JAK2: variants seen among roughly 807,000 people sequenced by gnomAD.
JAK2 encodes the protein tyrosine-protein kinase JAK2.
Under a neutral mutation model 139.3 loss-of-function variants are expected in JAK2, and 86 were observed. The ratio of observed to expected loss-of-function variants is 0.62; its 90% CI spans 0.52 to 0.74. The LOEUF is 0.74. Ranked by LOEUF, JAK2 falls within the 30% of genes least tolerant of loss-of-function variation. The pLI is 0.00. For synonymous variants in JAK2, 490 were observed against 437.7 expected (o/e 1.12, Z -1.49); for missense variants, 1,421 against 1,360.3 (o/e 1.04, Z -0.70).
At chr9:5,104,293 C>A (rs543506085) in intron 22 of JAK2, among the ~76,000 whole-genome samples, 1 of 152,310 alleles carries the variant, frequency 6.6e-6, no homozygotes, top group South Asian at 2.1e-4. Flanking sequence ...CACCTCTACA[C>A]AAATAAACTA....
intron 22 of JAK2, among the ~76,000 whole-genome samples, chr9:5,103,585 C>G (rs1821704452): frequency 6.6e-6 from 1 of 152,180 alleles, no homozygotes; most frequent in African/African-American, 2.4e-5. Context: ...TAGACATCTA[C>G]AGAACCCTCC....
chr9:5,027,402 A>G (rs1056521430), intron 3 of JAK2, among the ~76,000 whole-genome samples: 6 of 152,236 alleles, frequency 3.9e-5, no homozygotes, highest in Admixed American at 3.3e-4. Flanking sequence ...TTTATTGTCA[A>G]AAAGCACTCA....
intron 9 of JAK2, among the ~76,000 whole-genome samples, chr9:5,066,147 T>G (rs1818553736): frequency 6.6e-6 from 1 of 152,168 alleles, no homozygotes; most frequent in South Asian, 2.1e-4. Flanking sequence ...GATTATATTT[T>G]GCTTTTCTTT....
Position 5,127,507 on chromosome 9 carries a change from G to GAT in JAK2, c.*720_*721dup. On this transcript the variant is annotated 3_prime_UTR_variant, in exon 25 of 25. Transcript: ENST00000381652. ...TTTTGAAATGAAACAAGCTTACAAA[G>GAT]ATATAATCTATTTTATTATGGTTTC... 4.3e-6 allele frequency: 1 copy of GAT among 231,092 alleles called. No individual in the cohort carries two copies. Among genetic ancestry groups the GAT allele is most frequent in the Non-Finnish European group, 8.6e-6 (1 of 116,362 alleles). The allele number at this position is 231,092 out of a possible 1,614,324, so 14.3% of individuals were successfully genotyped here.
intron 12 of JAK2, among the ~76,000 whole-genome samples, chr9:5,071,110 T>G (rs993540212): frequency 6.6e-6 from 1 of 152,184 alleles, no homozygotes; most frequent in Non-Finnish European, 1.5e-5. Flanking sequence ...TTGGGCTTCA[T>G]TATACTACCT....
chr9:5,085,721 T>C, intron 19 of JAK2: 1 of 752,264 alleles, frequency 1.3e-6, no homozygotes, highest in Non-Finnish European at 2.5e-6. Flanking sequence ...TGTGGATCAT[T>C]TCTGCAATTA....
intron 22 of JAK2, chr9:5,099,998 G>A (rs1370841285): frequency 6.6e-6 from 1 of 152,124 alleles, no homozygotes; most frequent in Non-Finnish European, 1.5e-5. Context: ...GAAACCATTA[G>A]CCTATTTATT....
At chr9:5,094,349 C>G (rs529668022) in intron 22 of JAK2, 1 of 152,364 alleles carries the variant, frequency 6.6e-6, no homozygotes, top group South Asian at 2.1e-4. Flanking sequence ...CTTCCTATAC[C>G]CCATCCCCTA....
intron 22 of JAK2, among the ~76,000 whole-genome samples, chr9:5,107,507 T>G (rs1460644603): frequency 6.6e-6 from 1 of 152,136 alleles, no homozygotes; most frequent in Non-Finnish European, 1.5e-5. Flanking sequence ...CTTATACTAG[T>G]TATCATTTTA....
intron 16 of JAK2, among the ~76,000 whole-genome samples, chr9:5,078,706 C>G (rs1170316776): frequency 6.6e-6 from 1 of 152,004 alleles, no homozygotes; most frequent in African/African-American, 2.4e-5. Flanking sequence ...AGGATTTTAT[C>G]CATTTTTAGT....
rs547052349 is a variant in JAK2 at position 5,085,937 on chromosome 9, G to C, written c.2572-3737G>C. 57 of 1,110,570 alleles carry C rather than the reference G, an allele frequency of 5.1e-5. No homozygotes were observed. The East Asian group carries it at 1.3e-3, about 25-fold the overall frequency. The allele number at this position is 1,110,570 out of a possible 1,614,324, so 68.8% of individuals were successfully genotyped here. A position where few individuals can be genotyped will look rare whatever the true frequency, so the allele number is the denominator to read the frequency against. On this transcript the variant is annotated intron_variant, in intron 19 of 24. Transcript: ENST00000381652. The stretch of plus-strand genomic sequence containing the variant: ...ACAGACCTTTCAAGTCTCTCCAACC[G>C]AGTTTGAAAGGATCGGTGTATTTCT...
At chr9:4,997,780 T>A (rs954595881) in intron 2 of JAK2, among the ~76,000 whole-genome samples, 1 of 152,242 alleles carries the variant, frequency 6.6e-6, no homozygotes, top group Non-Finnish European at 1.5e-5. Flanking sequence ...AAGAAAATAG[T>A]GCATGATAGT....
At chr9:5,051,026 C>T (rs1817380763) in intron 6 of JAK2, among the ~76,000 whole-genome samples, 195 bp downstream of exon 6, 1 of 152,036 alleles carries the variant, frequency 6.6e-6, no homozygotes, top group African/African-American at 2.4e-5. Flanking sequence ...TTGAACTTAC[C>T]AGTTGAGCAC....
intron 3 of JAK2, among the ~76,000 whole-genome samples, chr9:5,028,682 T>C (rs1338419003): frequency 6.6e-6 from 1 of 152,230 alleles, no homozygotes; most frequent in African/African-American, 2.4e-5. Flanking sequence ...CTGCATCCTC[T>C]CCATCAACAC....
rs1050464198 is a variant in JAK2 at position 4,991,927 on chromosome 9, T to G, written c.-26+5905T>G. On this transcript the variant is annotated intron_variant, in intron 2 of 24. Transcript: ENST00000381652. Reference sequence around the variant, plus strand: ...TCTTCCCTCTACTGGATTATTTCCATCAGCATTACTCTGATTGCTATTGCT... The same window carrying G: ...TCTTCCCTCTACTGGATTATTTCCAGCAGCATTACTCTGATTGCTATTGCT... 2.6e-5 allele frequency among the ~76,000 whole-genome samples: 4 copies of G among 152,200 alleles called. No individual in the cohort carries two copies. In the South Asian group the frequency reaches 8.3e-4, roughly 31 times the overall value.
intron 2 of JAK2, among the ~76,000 whole-genome samples, chr9:5,018,525 C>A (rs1398244897): frequency 6.6e-6 from 1 of 151,978 alleles, no homozygotes; most frequent in Non-Finnish European, 1.5e-5. Context: ...TTTTCGTAGA[C>A]ATGGGGTTTT....
intron 4 of JAK2, among the ~76,000 whole-genome samples, chr9:5,037,054 G>A (rs1446829422): frequency 2.0e-5 from 3 of 152,176 alleles, no homozygotes; most frequent in South Asian, 4.1e-4. Flanking sequence ...CGAAGGATAC[G>A]AACAGACACT....
rs1360924372 is a variant in JAK2 at position 5,127,991 on chromosome 9, A to C, written c.*1200A>C. The C allele has an allele frequency of 4.3e-6, 1 of 231,958 alleles. No individual in the cohort carries two copies. The highest frequency in any genetic ancestry group is 8.5e-6 in the Non-Finnish European group (1 of 117,310). 14.4% of individuals were successfully genotyped at this position (231,958 alleles called of 1,614,324 possible). On this transcript the variant is annotated 3_prime_UTR_variant, in exon 25 of 25. Coordinates refer to ENST00000381652, the MANE Select transcript of JAK2 (RefSeq NM_004972.4). ...ATGAGCATACATCTTAAATCTTTTC[A>C]ATTAAGTATAAGGGGTTGTTCGTTG...
intron 3 of JAK2, among the ~76,000 whole-genome samples, chr9:5,029,260 T>C (rs990292298): frequency 1.3e-5 from 2 of 152,214 alleles, no homozygotes; most frequent in Non-Finnish European, 2.9e-5. Context: ...CAGGAATGGC[T>C]GTTGCTGGAG....
Sources: gnomAD v4.1 joint callset for allele counts (sites outside exome capture counted in the v4.1 genomes callset) on GRCh38, gnomAD v4.1.1 for gene constraint, MANE v1.5 for transcripts, NCBI Gene and HGNC (gene_info 2026-07-23, HGNC 2026-07-21) for gene names.